The following PTPRA variants were observed in gnomAD, a reference collection of about 807,000 sequenced individuals.
PTPRA encodes the protein protein tyrosine phosphatase receptor type A.
In PTPRA, 25 loss-of-function variants were observed where a neutral mutation model predicts 104.8. The observed-to-expected ratio is 0.24, with a 90% CI of 0.17 to 0.33. PTPRA has a LOEUF of 0.33. Ranked by LOEUF, PTPRA falls within the 10% of genes least tolerant of loss-of-function variation. The probability of loss-of-function intolerance (pLI) is 1.00; values close to 1 mark genes in which losing one functional copy is unlikely to be tolerated. For synonymous variants in PTPRA, 323 were observed against 368.9 expected (o/e 0.88, Z 1.43); for missense variants, 765 against 1,015.3 (o/e 0.75, Z 3.35).
At position 2,890,635 on chromosome 20, in the gene PTPRA, G is replaced by A. The variant is rs144088110; in HGVS notation, c.-129+16875G>A. ...ACCTTTCTGATTTTAACAGGGGAGA[G>A]TGTGTAAAGGATGGGAGAGGGAAGA... On this transcript the variant is annotated intron_variant, in intron 1 of 23. Coordinates refer to ENST00000399903, the MANE Select transcript of PTPRA (RefSeq NM_001385305.1). 2.4e-3 allele frequency among the ~76,000 whole-genome samples: 371 copies of A among 152,266 alleles called. 2 individuals are homozygous for A. The South Asian group carries it at 0.027, about 11-fold the overall frequency.
In PTPRA at chr20:2,945,583, GT is replaced by G. The variant is rs2061095696; in HGVS notation, c.-49-2398del. Among the ~76,000 whole-genome samples the G allele has an allele frequency of 3.9e-4, 7 of 18,098 alleles. No individual in the cohort carries two copies. The South Asian group carries it at 0.017, about 44-fold the overall frequency. The allele number at this position is 18,098 out of a possible 152,430, so 11.9% of individuals were successfully genotyped here. A position where few individuals can be genotyped will look rare whatever the true frequency, so the allele number is the denominator to read the frequency against. On this transcript the variant is annotated intron_variant, in intron 2 of 23. Coordinates refer to ENST00000399903, the MANE Select transcript of PTPRA (RefSeq NM_001385305.1). ...CACGGAGCTTGATTATAATTGGCAGGTGTGTGTGTGTGTGTGTGTGTGTGTG... is the reference window on the plus strand; with the variant it reads ...CACGGAGCTTGATTATAATTGGCAGGGTGTGTGTGTGTGTGTGTGTGTGTG...
chr20:2,907,747 A>C (rs1472562793), intron 1 of PTPRA, among the ~76,000 whole-genome samples: 2 of 152,112 alleles, frequency 1.3e-5, no homozygotes, highest in Non-Finnish European at 2.9e-5. Context: ...ACATCTGAAC[A>C]GTGTTGTAAC....
chr20:2,866,550 C>G, the PTPRA span: 1 of 1,614,166 alleles, frequency 6.2e-7, no homozygotes, highest in Non-Finnish European at 8.5e-7. Flanking sequence ...TTCAACGGGC[C>G]AGGGCACAAG....
intron 20 of PTPRA, among the ~76,000 whole-genome samples, chr20:3,033,078 C>T (rs904210326): frequency 6.6e-6 from 1 of 151,914 alleles, no homozygotes; most frequent in African/African-American, 2.4e-5. Flanking sequence ...TAGACTCGGG[C>T]GCTAGCCCAC....
At chr20:3,020,038 C>T (rs1344377164) in intron 13 of PTPRA, among the ~76,000 whole-genome samples, 22 of 152,106 alleles carry the variant, frequency 1.4e-4, no homozygotes, top group Admixed American at 6.5e-4. Flanking sequence ...CGTCCAGCTT[C>T]GGCTCGGCAT....
At chr20:2,997,104 G>C (rs530935441) in intron 9 of PTPRA, among the ~76,000 whole-genome samples, 8 of 150,772 alleles carry the variant, frequency 5.3e-5, no homozygotes, top group South Asian at 2.1e-4. Context: ...TGTTCACATA[G>C]ATCTCTAAGT....
intron 1 of PTPRA, among the ~76,000 whole-genome samples, chr20:2,894,413 T>A (rs1337767815): frequency 1.3e-5 from 2 of 152,246 alleles, no homozygotes; most frequent in East Asian, 3.9e-4. Flanking sequence ...GAGAAGTAAA[T>A]CTGTTGGGTC....
At chr20:3,008,697 C>G (rs2148324725) in intron 11 of PTPRA, among the ~76,000 whole-genome samples, 1 of 147,792 alleles carries the variant, frequency 6.8e-6, no homozygotes, top group African/African-American at 2.5e-5. Context: ...TTGAGACCAG[C>G]CTGACCAAGA....
intron 2 of PTPRA, among the ~76,000 whole-genome samples, chr20:2,929,345 TAATAC>T (rs2060425554): frequency 6.6e-6 from 1 of 152,220 alleles, no homozygotes; most frequent in South Asian, 2.1e-4. Flanking sequence ...ATTGGCCCTG[TAATAC>T]TCTTTTGTTC....
At chr20:2,899,351 C>G (rs2059140524) in intron 1 of PTPRA, among the ~76,000 whole-genome samples, 1 of 152,166 alleles carries the variant, frequency 6.6e-6, no homozygotes, top group East Asian at 1.9e-4. Flanking sequence ...ACTCACAGTT[C>G]TTCTGAAACA....
chr20:2,938,044 T>G, intron 2 of PTPRA, among the ~76,000 whole-genome samples: 1 of 152,098 alleles, frequency 6.6e-6, no homozygotes, highest in East Asian at 1.9e-4. Context: ...TGAGGCTGAG[T>G]GTGGTGGCTC....
At chr20:3,006,910 G>A (rs185046380) in intron 10 of PTPRA, among the ~76,000 whole-genome samples, 40 of 152,262 alleles carry the variant, frequency 2.6e-4, no homozygotes, top group Admixed American at 5.9e-4. Flanking sequence ...GATTATAGGC[G>A]TGACCCACCA....
chr20:2,864,493 C>A, the PTPRA span: 3 of 1,613,926 alleles, frequency 1.9e-6, no homozygotes, highest in African/African-American at 4.0e-5. This position sits in a 1 kb window ranked among gnomAD's most constrained non-coding sequence, Gnocchi z 5.2. Context: ...TGTGGTGTAG[C>A]CTTCTGAGCA....
chr20:2,986,680 C>G, intron 6 of PTPRA, 85 bp from the exon 7 acceptor site: 1 of 1,171,886 alleles, frequency 8.5e-7, no homozygotes, highest in Admixed American at 1.7e-5. Context: ...TGAGCTCTTC[C>G]TCTTCAGGGT....
upstream of PTPRA, among the ~76,000 whole-genome samples, chr20:2,870,964 G>T (rs532131695): frequency 5.9e-5 from 9 of 152,138 alleles, no homozygotes; most frequent in Non-Finnish European, 1.2e-4. Flanking sequence ...GATGATGATG[G>T]GCGAGGGAGC....
At chr20:3,009,804 C>T (rs1429182353) in intron 11 of PTPRA, among the ~76,000 whole-genome samples, 1 of 151,940 alleles carries the variant, frequency 6.6e-6, no homozygotes, top group Non-Finnish European at 1.5e-5. Context: ...GTTAGTGTGT[C>T]CAGCTGCGGG....
intron 3 of PTPRA, chr20:2,955,536 G>GAGAAAGGCAA: frequency 1.3e-6 from 1 of 775,328 alleles, no homozygotes; most frequent in Non-Finnish European, 1.6e-6. Context: ...CTCTTCTCTT[G>GAGAAAGGCAA]TTTTGGACTT....
chr20:2,951,982 A>G (rs1342790266), intron 3 of PTPRA, among the ~76,000 whole-genome samples: 2 of 152,146 alleles, frequency 1.3e-5, no homozygotes, highest in Non-Finnish European at 2.9e-5. Flanking sequence ...TTAGCTGGGC[A>G]TGGTGGTGCG....
At chr20:2,978,721 C>T (rs899347588) in intron 6 of PTPRA, among the ~76,000 whole-genome samples, 21 of 152,296 alleles carry the variant, frequency 1.4e-4, no homozygotes, top group Admixed American at 3.9e-4. Flanking sequence ...GAAACAGTTT[C>T]GGTTTGTAAC....
Sources: allele counts gnomAD v4.1 joint callset (sites outside exome capture counted in the v4.1 genomes callset), GRCh38; gene constraint gnomAD v4.1.1; non-coding constraint Gnocchi (gnomAD v3.1); transcripts MANE v1.5; gene names NCBI Gene and HGNC (gene_info 2026-07-23, HGNC 2026-07-21).